Variants in RALYL observed in about 807,000 individuals in gnomAD.
RALYL encodes the protein RALY RNA binding protein like.
A neutral mutation model predicts 35.1 loss-of-function variants in RALYL; 29 were observed. The ratio of observed to expected loss-of-function variants is 0.83; its 90% CI spans 0.61 to 1.13. The LOEUF is 1.13. RALYL is among the 50% of genes most tolerant of loss of function. The pLI, the probability that RALYL is intolerant of heterozygous loss-of-function variation, is 0.00. For missense variants in RALYL, 359 were observed against 360.4 expected (o/e 1.00, Z 0.03); for synonymous variants, 120 against 127.6 (o/e 0.94, Z 0.40).
intron 2 of RALYL, among the ~76,000 whole-genome samples, chr8:84,738,480 T>C (rs552804279): frequency 6.6e-6 from 1 of 152,168 alleles, no homozygotes; most frequent in East Asian, 1.9e-4. Context: ...CACTTCAAAC[T>C]TAGATTTGCA....
At chr8:84,422,427 A>C (rs935540973) in intron 1 of RALYL, among the ~76,000 whole-genome samples, 11 of 130,348 alleles carry the variant, frequency 8.4e-5, no homozygotes, top group African/African-American at 1.3e-4. Context: ...TGTCTATTTG[A>C]TTCTTCTCTC....
intron 2 of RALYL, among the ~76,000 whole-genome samples, chr8:84,616,900 G>A (rs1294750694): frequency 3.3e-5 from 5 of 150,768 alleles, no homozygotes; most frequent in African/African-American, 1.2e-4. Flanking sequence ...TCAGATAGTT[G>A]TAGATATGTG....
intron 2 of RALYL, among the ~76,000 whole-genome samples, chr8:84,591,277 G>A (rs1445790745): frequency 6.6e-6 from 1 of 152,110 alleles, no homozygotes; most frequent in African/African-American, 2.4e-5. Flanking sequence ...AGACATCAGG[G>A]TCAGAAGGTA....
intron 4 of RALYL, among the ~76,000 whole-genome samples, chr8:84,823,076 G>C (rs1335958175): frequency 6.6e-6 from 1 of 152,092 alleles, no homozygotes; most frequent in African/African-American, 2.4e-5. Context: ...GTAGGAGTAA[G>C]CATTTTAAAA....
chr8:84,886,384 T>G (rs573840680), intron 7 of RALYL, among the ~76,000 whole-genome samples: 2 of 152,226 alleles, frequency 1.3e-5, no homozygotes, highest in East Asian at 3.9e-4. Context: ...TTTCCTTTTA[T>G]CTCACGTTAT....
chr8:84,706,971 C>G (rs1841331763), intron 2 of RALYL, among the ~76,000 whole-genome samples: 1 of 152,094 alleles, frequency 6.6e-6, no homozygotes, highest in Admixed American at 6.6e-5. Context: ...AAAGTCTGTA[C>G]TTTTTCATTA....
At chr8:84,911,827 T>C (rs1847560240) in intron 8 of RALYL, among the ~76,000 whole-genome samples, 1 of 152,246 alleles carries the variant, frequency 6.6e-6, no homozygotes, top group African/African-American at 2.4e-5. Flanking sequence ...TTCACTTATA[T>C]TTACTGGTTT....
chr8:84,274,299 A>C (rs1195931412), intron 1 of RALYL, among the ~76,000 whole-genome samples: 1 of 152,140 alleles, frequency 6.6e-6, no homozygotes, highest in African/African-American at 2.4e-5. Context: ...TTGATTTACT[A>C]TTATCTTTGT....
Position 84,697,084 on chromosome 8 carries a change from TATA to T in RALYL, c.257-77491_257-77489del, listed in dbSNP as rs1269841639. On this transcript the variant is annotated intron_variant, in intron 2 of 8. Transcript: ENST00000521268. The stretch of plus-strand genomic sequence containing the variant: ...GAATTAGGAGGACAGGATTGCTGTG[TATA>T]ATACTTTTGTAGACAGGCTGAAATG... Among the ~76,000 whole-genome samples, 10 of 152,144 alleles carry T rather than the reference TATA, an allele frequency of 6.6e-5. No homozygotes were observed. The South Asian group carries it at 2.1e-3, about 32-fold the overall frequency.
intron 8 of RALYL, 95 bp downstream of exon 8, chr8:84,887,871 G>A (rs1352180990): frequency 1.5e-5 from 18 of 1,169,124 alleles, no homozygotes; most frequent in Non-Finnish European, 7.3e-6. Flanking sequence ...AATCATTTGG[G>A]GCTTATTTCT....
chr8:84,550,197 GTC>G (rs138037136), intron 2 of RALYL, among the ~76,000 whole-genome samples: 31 of 148,656 alleles, frequency 2.1e-4, no homozygotes, highest in Non-Finnish European at 2.2e-4. Context: ...GTTAATCTGG[GTC>G]TCTCTCTCTC....
intron 1 of RALYL, among the ~76,000 whole-genome samples, chr8:84,331,227 C>A (rs897634568): frequency 1.3e-5 from 2 of 151,964 alleles, no homozygotes; most frequent in Admixed American, 1.3e-4. Context: ...TAGTTAGCCA[C>A]CATAATATTG....
intron 1 of RALYL, among the ~76,000 whole-genome samples, chr8:84,311,052 T>A (rs1304628410): frequency 4.0e-4 from 1 of 2,504 alleles, no homozygotes; most frequent in Non-Finnish European, 6.3e-4. Context: ...AGACTCCGTC[T>A]CAAAAAAAAA....
At chr8:84,882,226 C>A (rs1027541128) in intron 7 of RALYL, among the ~76,000 whole-genome samples, 6 of 151,942 alleles carry the variant, frequency 3.9e-5, no homozygotes, top group Admixed American at 3.9e-4. Context: ...TTTCTCTTTT[C>A]ACAAAAGAAA....
intron 1 of RALYL, among the ~76,000 whole-genome samples, chr8:84,320,437 C>A (rs982426239): frequency 1.3e-5 from 2 of 150,776 alleles, no homozygotes; most frequent in East Asian, 3.9e-4. Context: ...TATATACATG[C>A]ACATACACAC....
rs1221224766 is a variant in RALYL, at chr8:84,398,894, A to G, written c.-23-130405A>G. Among the ~76,000 whole-genome samples, 4 of 151,732 alleles carry G rather than the reference A, an allele frequency of 2.6e-5. No individual in the cohort carries two copies. The East Asian group carries it at 7.8e-4, about 30-fold the overall frequency. ...GAGGCTGAGACAGGAGAATTGCTTGAATCCAGGAGGCAGAGGTGGCAGTGA... is the reference window on the plus strand; with the variant it reads ...GAGGCTGAGACAGGAGAATTGCTTGGATCCAGGAGGCAGAGGTGGCAGTGA... On this transcript the variant is annotated intron_variant, in intron 1 of 8. Transcript: ENST00000521268.
At chr8:84,684,090 A>AT (rs1446155725) in intron 2 of RALYL, among the ~76,000 whole-genome samples, 1 of 152,152 alleles carries the variant, frequency 6.6e-6, no homozygotes, top group Admixed American at 6.6e-5. Context: ...CTATTATGCC[A>AT]AATTCAGCAC....
intron 1 of RALYL, among the ~76,000 whole-genome samples, chr8:84,502,527 A>G (rs917888151): frequency 1.8e-4 from 27 of 152,254 alleles, no homozygotes; most frequent in African/African-American, 5.3e-4. Context: ...TGCTTGTGAT[A>G]GGAGATAAAC....
At chr8:84,846,422 G>A (rs1450858856) in intron 4 of RALYL, among the ~76,000 whole-genome samples, 2 of 152,074 alleles carry the variant, frequency 1.3e-5, no homozygotes, top group African/African-American at 4.8e-5. Flanking sequence ...TTGCATTCTT[G>A]ATTTGGCTCT....
Sources: gnomAD v4.1 joint callset for allele counts (sites outside exome capture counted in the v4.1 genomes callset) on GRCh38, gnomAD v4.1.1 for gene constraint, MANE v1.5 for transcripts, NCBI Gene and HGNC (gene_info 2026-07-23, HGNC 2026-07-21) for gene names.